RPSA2: variants seen among roughly 807,000 people sequenced by gnomAD.
RPSA2 encodes ribosomal protein SA 2.
chr19:23,840,172 A>G, the RPSA2 span, among the ~76,000 whole-genome samples: 5 of 152,216 alleles, frequency 3.3e-5, no homozygotes, highest in African/African-American at 1.2e-4. Context: ...AAGGTCATGT[A>G]TTTACAGTTG....
chr19:23,849,205 A>T, the RPSA2 span, among the ~76,000 whole-genome samples: 1 of 152,244 alleles, frequency 6.6e-6, no homozygotes, highest in Admixed American at 6.5e-5. Flanking sequence ...AGGAATAGTC[A>T]GATTGGAGGT....
the RPSA2 span, among the ~76,000 whole-genome samples, chr19:23,835,199 T>A: frequency 3.2e-5 from 3 of 93,860 alleles, no homozygotes; most frequent in Non-Finnish European, 6.3e-5. Context: ...TAATAAATAT[T>A]TTTATAAATT....
At chr19:23,844,988 T>C in the RPSA2 span, among the ~76,000 whole-genome samples, 1 of 149,532 alleles carries the variant, frequency 6.7e-6, no homozygotes, top group East Asian at 2.0e-4. Flanking sequence ...TGGCTCTATC[T>C]TGGGAGGTTG....
At chr19:23,787,151 C>G in the RPSA2 span, among the ~76,000 whole-genome samples, 1 of 152,004 alleles carries the variant, frequency 6.6e-6, no homozygotes, top group African/African-American at 2.4e-5. Flanking sequence ...TTAGGTTTTG[C>G]CTTCAGATGA....
the RPSA2 span, chr19:23,832,834 C>G: frequency 1.9e-6 from 3 of 1,576,914 alleles, no homozygotes; most frequent in Non-Finnish European, 2.6e-6. Flanking sequence ...AGCTTTCAGC[C>G]AGTCCTCAAC....
chr19:23,852,358 A>G, the RPSA2 span, among the ~76,000 whole-genome samples: 3 of 152,188 alleles, frequency 2.0e-5, no homozygotes, highest in African/African-American at 7.2e-5. Flanking sequence ...ACACACACAC[A>G]CACACACAAA....
chr19:23,761,677 T>A, the RPSA2 span, among the ~76,000 whole-genome samples: 7 of 151,872 alleles, frequency 4.6e-5, no homozygotes, highest in African/African-American at 1.7e-4. Context: ...CACCCCTACC[T>A]CCAGGGTCTA....
the RPSA2 span, among the ~76,000 whole-genome samples, chr19:23,865,955 C>T: frequency 1.3e-5 from 2 of 152,224 alleles, no homozygotes; most frequent in Non-Finnish European, 1.5e-5. Flanking sequence ...CTTTGGCTTG[C>T]ACTTGCTTAT....
the RPSA2 span, among the ~76,000 whole-genome samples, chr19:23,856,070 G>A: frequency 1.3e-5 from 2 of 152,086 alleles, no homozygotes; most frequent in Non-Finnish European, 2.9e-5. Flanking sequence ...TCAGGTGGGG[G>A]AGGAGTAGGT....
the RPSA2 span, among the ~76,000 whole-genome samples, chr19:23,867,666 T>TA: frequency 6.6e-6 from 1 of 151,952 alleles, no homozygotes; most frequent in Non-Finnish European, 1.5e-5. Context: ...CCACCTCTAC[T>TA]AAAAATACAA....
chr19:23,839,036 G>A, the RPSA2 span, among the ~76,000 whole-genome samples: 1 of 151,740 alleles, frequency 6.6e-6, no homozygotes. Flanking sequence ...TTCCTTGTCT[G>A]TCTGTGCTCT....
the RPSA2 span, chr19:23,828,190 A>G: frequency 4.9e-6 from 3 of 610,468 alleles, no homozygotes; most frequent in African/African-American, 1.9e-5. Context: ...TATATGTGAA[A>G]GTTTATATAT....
the RPSA2 span, among the ~76,000 whole-genome samples, chr19:23,775,413 G>A: frequency 6.6e-6 from 1 of 152,100 alleles, no homozygotes; most frequent in Admixed American, 6.5e-5. Context: ...TCATATCTGG[G>A]CATAGAGCCA....
the RPSA2 span, among the ~76,000 whole-genome samples, chr19:23,766,921 G>A: frequency 4.0e-5 from 6 of 151,876 alleles, no homozygotes; most frequent in South Asian, 1.3e-3. Flanking sequence ...ATCAAGGCCG[G>A]CTAATTTTTT....
At chr19:23,853,676 G>A in the RPSA2 span, among the ~76,000 whole-genome samples, 9 of 152,142 alleles carry the variant, frequency 5.9e-5, no homozygotes, top group Non-Finnish European at 1.2e-4. Context: ...TATATGTTGG[G>A]TGGGAGCACT....
At chr19:23,830,483 T>A in the RPSA2 span, among the ~76,000 whole-genome samples, 1 of 152,216 alleles carries the variant, frequency 6.6e-6, no homozygotes, top group Non-Finnish European at 1.5e-5. Flanking sequence ...AAAGATAATC[T>A]TTTTGTCTTT....
At chr19:23,821,279 C>A in the RPSA2 span, among the ~76,000 whole-genome samples, 1 of 152,184 alleles carries the variant, frequency 6.6e-6, no homozygotes, top group Non-Finnish European at 1.5e-5. Context: ...GCCATCCCAG[C>A]GCCATGGAGT....
the RPSA2 span, among the ~76,000 whole-genome samples, chr19:23,850,513 C>A: frequency 2.0e-5 from 3 of 148,482 alleles, no homozygotes; most frequent in Admixed American, 2.0e-4. Context: ...GGAGGTGGCA[C>A]AGATCTCACC....
the RPSA2 span, chr19:23,819,454 G>T: frequency 6.6e-6 from 1 of 152,236 alleles, no homozygotes; most frequent in African/African-American, 2.4e-5. Flanking sequence ...AACTTTAGCA[G>T]CAGTGAGTAG....
Sources: allele counts gnomAD v4.1 joint callset (sites outside exome capture counted in the v4.1 genomes callset), GRCh38; gene constraint gnomAD v4.1.1; transcripts MANE v1.5; gene names NCBI Gene and HGNC (gene_info 2026-07-23, HGNC 2026-07-21).